Variants in OR14A2 observed in about 807,000 individuals in gnomAD.
The protein encoded by OR14A2 is olfactory receptor family 14 subfamily A member 2.
For missense variants in OR14A2, 237 were observed against 152.9 expected (o/e 1.55, Z -2.90); for synonymous variants, 114 against 58.6 (o/e 1.95, Z -4.32).
chr1:247,724,051 TCTC>T (rs1267367967), upstream of OR14A2: 1 of 693,498 alleles, frequency 1.4e-6, no homozygotes, highest in East Asian at 2.7e-5. Flanking sequence ...CATACTAGAT[TCTC>T]TTCAGTGCCT....
chr1:247,732,236 C>T, the OR14A2 span, among the ~76,000 whole-genome samples: 12 of 152,072 alleles, frequency 7.9e-5, no homozygotes, highest in African/African-American at 2.4e-4. Flanking sequence ...TCTTTTCTGG[C>T]GCCCCAGTCC....
the OR14A2 span, among the ~76,000 whole-genome samples, chr1:247,739,899 C>T: frequency 3.9e-5 from 6 of 151,922 alleles, no homozygotes; most frequent in South Asian, 2.1e-4. Flanking sequence ...TTAGTAGAGA[C>T]GGAGTTCCAC....
At chr1:247,732,050 T>C in the OR14A2 span, among the ~76,000 whole-genome samples, 1 of 152,220 alleles carries the variant, frequency 6.6e-6, no homozygotes, top group South Asian at 2.1e-4. Flanking sequence ...TTTATTTCAT[T>C]TGCAGTAGCT....
At position 247,723,508 on chromosome 1, in the gene OR14A2, AC is replaced by A. The variant is rs761432493; in HGVS notation, c.535del (p.Val179PhefsTer5). On this transcript the variant is annotated frameshift_variant, in exon 1 of 1. Transcript: ENST00000366485. LOFTEE classifies it low-confidence loss of function (END_TRUNC). ...ACAGGAAATCCTTAGTAATGAAGGA[AC>A]ATCACAGAAAAACTGTGGAATCACA... 282 of 717,914 alleles carry A rather than the reference AC, an allele frequency of 3.9e-4. 1 individual carries two copies. The highest frequency in any genetic ancestry group is 8.0e-4 in the Admixed American group (40 of 50,030). 44.5% of individuals were successfully genotyped at this position (717,914 alleles called of 1,614,324 possible). A position where few individuals can be genotyped will look rare whatever the true frequency, so the allele number is the denominator to read the frequency against.
the OR14A2 span, chr1:247,738,994 C>G: frequency 2.6e-6 from 2 of 780,752 alleles, no homozygotes; most frequent in East Asian, 4.8e-5. Context: ...ATCTGCTGCC[C>G]CCTACACTGT....
the OR14A2 span, among the ~76,000 whole-genome samples, chr1:247,729,801 T>G: frequency 6.6e-6 from 1 of 152,068 alleles, no homozygotes; most frequent in African/African-American, 2.4e-5. Context: ...TTGCTCGAGA[T>G]CTACAGAAAA....
At chr1:247,724,919 CAATT>C (rs1427626892), upstream of OR14A2, among the ~76,000 whole-genome samples, 1 of 151,838 alleles carries the variant, frequency 6.6e-6, no homozygotes, top group Non-Finnish European at 1.5e-5. Flanking sequence ...ATATTTCCCT[CAATT>C]ATTAGTTACT....
chr1:247,740,665 T>C, the OR14A2 span, among the ~76,000 whole-genome samples: 1 of 152,220 alleles, frequency 6.6e-6, no homozygotes. Context: ...TAATATTATA[T>C]AACATTTCAA....
upstream of OR14A2, among the ~76,000 whole-genome samples, chr1:247,724,256 G>A (rs922466718): frequency 5.3e-5 from 8 of 151,962 alleles, no homozygotes; most frequent in Non-Finnish European, 1.0e-4. Context: ...CATGAGTAAT[G>A]TGTAAATTCC....
chr1:247,725,642 T>A (rs2103202487), upstream of OR14A2, among the ~76,000 whole-genome samples: 1 of 142,890 alleles, frequency 7.0e-6, no homozygotes, highest in Admixed American at 7.0e-5. Context: ...TAACTCGTCA[T>A]CTAGCATTAG....
the OR14A2 span, among the ~76,000 whole-genome samples, chr1:247,747,507 G>T: frequency 2.0e-5 from 3 of 151,798 alleles, no homozygotes; most frequent in Non-Finnish European, 1.5e-5. Flanking sequence ...AACTACAGGC[G>T]CTCGCCACCA....
chr1:247,725,140 G>C (rs1660306550), upstream of OR14A2, among the ~76,000 whole-genome samples: 1 of 152,022 alleles, frequency 6.6e-6, no homozygotes, highest in Non-Finnish European at 1.5e-5. Flanking sequence ...TAATACAAAG[G>C]TGTTATTTTA....
the OR14A2 span, among the ~76,000 whole-genome samples, chr1:247,734,758 T>C: frequency 6.6e-6 from 1 of 152,128 alleles, no homozygotes; most frequent in Non-Finnish European, 1.5e-5. Context: ...TGTCATAAAA[T>C]GATGAAGAAG....
the OR14A2 span, chr1:247,747,136 T>A: frequency 6.6e-6 from 1 of 152,212 alleles, no homozygotes; most frequent in South Asian, 2.1e-4. Context: ...TGCCTTGGTC[T>A]AAGATGGTTA....
chr1:247,747,518 C>T, the OR14A2 span, among the ~76,000 whole-genome samples: 1 of 151,986 alleles, frequency 6.6e-6, no homozygotes, highest in Non-Finnish European at 1.5e-5. Context: ...CTCGCCACCA[C>T]GCCCGGCTAA....
At chr1:247,741,255 A>T in the OR14A2 span, among the ~76,000 whole-genome samples, 1 of 152,230 alleles carries the variant, frequency 6.6e-6, no homozygotes, top group African/African-American at 2.4e-5. Context: ...TTTGTTTAAC[A>T]CAGAAACTGG....
At chr1:247,736,398 A>G in the OR14A2 span, among the ~76,000 whole-genome samples, 1 of 152,160 alleles carries the variant, frequency 6.6e-6, no homozygotes, top group African/African-American at 2.4e-5. Flanking sequence ...CTCAGATTGC[A>G]TATTTTTATT....
chr1:247,724,005 C>G (rs1244997096), exon 1 of OR14A2: 1 of 714,462 alleles, frequency 1.4e-6, no homozygotes, highest in Non-Finnish European at 2.6e-6. Context: ...TAGAAAACCC[C>G]ATAAGAAGAA....
At chr1:247,747,377 T>C in the OR14A2 span, among the ~76,000 whole-genome samples, 2 of 149,362 alleles carry the variant, frequency 1.3e-5, no homozygotes, top group Non-Finnish European at 3.0e-5. Context: ...TTTTTTTTTT[T>C]CTGAGACGGA....
Sources: gnomAD v4.1 joint callset for allele counts (sites outside exome capture counted in the v4.1 genomes callset) on GRCh38, gnomAD v4.1.1 for gene constraint, MANE v1.5 for transcripts, NCBI Gene and HGNC (gene_info 2026-07-23, HGNC 2026-07-21) for gene names.